The following AMPD2 variants were observed in gnomAD, a reference collection of about 807,000 sequenced individuals.
AMPD2 encodes the protein AMP deaminase 2.
In AMPD2, 52 loss-of-function variants were observed where a neutral mutation model predicts 91.3. That is an observed-to-expected ratio of 0.57 (90% confidence interval 0.46 to 0.72). AMPD2 has a LOEUF of 0.72. Among genes scored for constraint, AMPD2 ranks in the 30% least tolerant of loss-of-function variants. The probability of loss-of-function intolerance (pLI) is 0.00; values close to 1 mark genes in which losing one functional copy is unlikely to be tolerated. For missense variants in AMPD2, 822 were observed against 1,122.3 expected (o/e 0.73, Z 3.82); for synonymous variants, 455 against 456.4 (o/e 1.00, Z 0.04).
Position 109,626,329 on chromosome 1 carries a change from G to C in AMPD2, c.433G>C (p.Glu145Gln), listed in dbSNP as rs753757082. The change falls in exon 6 of 19, where the codon GAA becomes CAA. Residue 145 changes from glutamate to glutamine, a missense_variant. Glu to Gln is a conservative substitution (Grantham distance 29). Transcript: ENST00000528667. ...DSDSDLQLYK[E>Q]QGEGQGDRSL... ...ATGCACCCCCTGCAGGCTCTACAAG[G>C]AACAGGGTGAGGGGCAGGGTGACCG... 9.3e-6 allele frequency: 15 copies of C among 1,613,438 alleles called. No homozygotes were observed. The South Asian group carries it at 1.6e-4, about 18-fold the overall frequency.
In AMPD2 at chr1:109,630,509, T is replaced by TGCCCCCTGCTGGTA. The variant is rs1553230304; in HGVS notation, c.2157+105_2157+118dup. ...GGGGGGCGGTCTCTCGGGTTGGTGC[T>TGCCCCCTGCTGGTA]GCCCCCTGCTGGTAGAGCATAGCTG... is the stretch of plus-strand genomic sequence containing the variant. On this transcript the variant is annotated intron_variant, in intron 17 of 18. Transcript: ENST00000528667. 4.5e-5 allele frequency: 54 copies of TGCCCCCTGCTGGTA among 1,199,086 alleles called. 3 individuals carry two copies. Among genetic ancestry groups the TGCCCCCTGCTGGTA allele is most frequent in the Non-Finnish European group, 1.0e-5 (9 of 879,498 alleles). The allele number at this position is 1,199,086 out of a possible 1,614,324, so 74.3% of individuals were successfully genotyped here.
At chr1:109,626,510 G>A (rs1487929834) in intron 6 of AMPD2, 83 bp downstream of exon 6, 2 of 1,398,388 alleles carry the variant, frequency 1.4e-6, no homozygotes, top group South Asian at 1.3e-5. Context: ...GGGGGTGGGG[G>A]CTGGAAAGGG....
rs963069927 is a variant in AMPD2 at position 109,628,562 on chromosome 1, T to C, written c.1407+67T>C. ...TCTGGGGGCTTTTAGGGGGTGAGACTCAAGGAGGGTAGGCAGATGACCCCC... is the reference window on the plus strand; with the variant it reads ...TCTGGGGGCTTTTAGGGGGTGAGACCCAAGGAGGGTAGGCAGATGACCCCC... On this transcript the variant is annotated intron_variant, in intron 12 of 18. Coordinates refer to ENST00000528667, the MANE Select transcript of AMPD2 (RefSeq NM_001368809.2). This position sits in a 1 kb window ranked among gnomAD's most constrained non-coding sequence, Gnocchi z 7.1. 5.8e-5 allele frequency: 93 copies of C among 1,611,726 alleles called. No homozygotes were observed. Among genetic ancestry groups the C allele is most frequent in the Non-Finnish European group, 7.8e-5 (92 of 1,178,928 alleles).
At chr1:109,620,525 T>C in intron 1 of AMPD2, 1 of 1,229,054 alleles carries the variant, frequency 8.1e-7, no homozygotes, top group Non-Finnish European at 1.0e-6. Context: ...TCCTGGGAGG[T>C]AGCTATTTGG....
intron 18 of AMPD2, 64 bp downstream of exon 18, chr1:109,630,857 C>T (rs1270159661): frequency 2.5e-6 from 4 of 1,594,478 alleles, no homozygotes; most frequent in Admixed American, 3.5e-5. Flanking sequence ...CATTTGGGGT[C>T]CTGACCTGTC....
chr1:109,629,713 T>A, intron 15 of AMPD2, 83 bp from the exon 16 acceptor site: 4 of 1,450,898 alleles, frequency 2.8e-6, no homozygotes, highest in Non-Finnish European at 3.6e-6. Flanking sequence ...GGAGGACATA[T>A]GCGTGCTGGG....
chr1:109,629,820 G>T lies in AMPD2; in HGVS notation c.1887G>T (p.Val629=). The stretch of plus-strand genomic sequence containing the variant: ...GGCAGAGGGGCTTCCACACGTTTGT[G>T]CTGAGGCCACACTGTGGGGAGGCTG... The part of the protein sequence containing the change: ...LRRQRGFHTF[V]LRPHCGEAGP... Residue 629 remains valine, a synonymous_variant, in exon 16 of 19, where the codon GTG becomes GTT. Coordinates refer to ENST00000528667, the MANE Select transcript of AMPD2 (RefSeq NM_001368809.2). The T allele has an allele frequency of 6.2e-7, 1 of 1,609,536 alleles. No individual in the cohort carries two copies. The highest frequency in any genetic ancestry group is 1.1e-5 in the South Asian group (1 of 90,766).
chr1:109,629,572 C>T (rs1322954785), intron 15 of AMPD2, 82 bp downstream of exon 15: 7 of 1,553,592 alleles, frequency 4.5e-6, no homozygotes, highest in African/African-American at 1.4e-5. Context: ...GCCAGGGCCA[C>T]TAGACCTCTG....
rs757683500 is a variant in AMPD2, at chr1:109,631,107, C to G, written c.2433C>G (p.Thr811=). ...TQAVQSEMLE[T]IPEEAGITMS... ...CAGTCCAGAGTGAGATGCTGGAGAC[C>G]ATTCCAGAGGAGGCGGGTATCACCA... Residue 811 remains threonine (T), a synonymous_variant, in exon 19 of 19, where the codon ACC becomes ACG. Transcript: ENST00000528667. 2.6e-5 allele frequency: 41 copies of G among 1,607,366 alleles called. No homozygotes were observed. In the East Asian group the frequency reaches 9.2e-4, roughly 36 times the overall value.
Position 109,625,941 on chromosome 1 carries a change from G to C in AMPD2, c.353+149G>C. The C allele has an allele frequency of 1.5e-6, 2 of 1,340,754 alleles. No individual in the cohort carries two copies. Among genetic ancestry groups the C allele is most frequent in the East Asian group, 2.5e-5 (1 of 39,828 alleles). The allele number at this position is 1,340,754 out of a possible 1,614,324, so 83.1% of individuals were successfully genotyped here. ...CTTTGGAGTCGGGCTGCTGGGTTCT[G>C]TTCTGTCTTCTAGCCGCCGGTGTGG... On this transcript the variant is annotated intron_variant, in intron 4 of 18. Coordinates refer to ENST00000528667, the MANE Select transcript of AMPD2 (RefSeq NM_001368809.2). The surrounding 1 kb of genome is among the most constrained non-coding windows in gnomAD (Gnocchi z 4.0).
intron 2 of AMPD2, chr1:109,622,095 G>A (rs937979203): frequency 2.4e-6 from 1 of 412,614 alleles, no homozygotes; most frequent in Non-Finnish European, 4.9e-6. Context: ...TGACTTTGAT[G>A]ACCAGATCAT....
intron 16 of AMPD2, 45 bp downstream of exon 16, chr1:109,629,961 C>T: frequency 6.4e-7 from 1 of 1,564,532 alleles, no homozygotes; most frequent in Non-Finnish European, 8.7e-7. Flanking sequence ...TGTTCACCTT[C>T]CTCTGAACCA....
At position 109,621,185 on chromosome 1, in the gene AMPD2, T is replaced by C. The variant is rs1246312102; in HGVS notation, c.10T>C (p.Tyr4His). 2 of 1,605,404 alleles carry C rather than the reference T, an allele frequency of 1.2e-6. No homozygotes were observed. Among genetic ancestry groups the C allele is most frequent in the Middle Eastern group, 1.7e-4 (1 of 6,054 alleles). Residue 4 changes from tyrosine (Y) to histidine (H), a missense_variant, in exon 2 of 19, where the codon TAT (tyrosine) becomes CAT (histidine). Around this residue, in one of 5 missense-constraint regions of AMPD2, gnomAD observed 105 missense variants for 125.0 expected, o/e 0.84. Coordinates refer to ENST00000528667, the MANE Select transcript of AMPD2 (RefSeq NM_001368809.2). The stretch of plus-strand genomic sequence containing the variant: ...CGCCGTGGTCCCAGCCATGGCATCC[T>C]ATCCATCTGGCTCTGGCAAGCCCAA... The part of the protein sequence containing the change: MAS[Y>H]PSGSGKPKAK...
rs1651112594 is a variant in AMPD2, at chr1:109,630,367, C to T, written c.2118C>T (p.Ser706=). The stretch of plus-strand genomic sequence containing the variant: ...ACCTGTCCCGCGGCCTCATGGTCTC[C>T]CTGTCCACTGATGATCCCTTGCAGT... ...PEYLSRGLMV[S]LSTDDPLQFH... The change falls in exon 17 of 19, where the codon TCC becomes TCT. Residue 706 remains serine, a synonymous_variant. Transcript: ENST00000528667. 1 of 1,613,688 alleles carries T rather than the reference C, an allele frequency of 6.2e-7. No individual in the cohort carries two copies. The highest frequency in any genetic ancestry group is 1.3e-5 in the African/African-American group (1 of 74,816).
At position 109,631,613 on chromosome 1, in the gene AMPD2, G is replaced by A; in HGVS notation, c.*461G>A. The A allele has an allele frequency of 4.4e-6, 1 of 224,808 alleles. No individual in the cohort carries two copies. Among genetic ancestry groups the A allele is most frequent in the Non-Finnish European group, 9.0e-6 (1 of 110,798 alleles). 13.9% of individuals were successfully genotyped at this position (224,808 alleles called of 1,614,324 possible). A position where few individuals can be genotyped will look rare whatever the true frequency, so the allele number is the denominator to read the frequency against. On this transcript the variant is annotated 3_prime_UTR_variant, in exon 19 of 19. Transcript: ENST00000528667. ...ACACCTCTGCTGTGGGCACGGGGCTGCTGAGGGTCTGTGGAACTCCAGCAG... is the reference window on the plus strand; with the variant it reads ...ACACCTCTGCTGTGGGCACGGGGCTACTGAGGGTCTGTGGAACTCCAGCAG...
At position 109,627,873 on chromosome 1, in the gene AMPD2, G is replaced by T. The variant is rs758064430; in HGVS notation, c.1050G>T (p.Val350=). The change falls in exon 10 of 19, where the codon GTG becomes GTT. Residue 350 remains valine, a synonymous_variant. Coordinates refer to ENST00000528667, the MANE Select transcript of AMPD2 (RefSeq NM_001368809.2). The part of the protein sequence containing the change: ...EMKELAAQKK[V]PHRDFYNIRK... The stretch of plus-strand genomic sequence containing the variant: ...AGGAGCTGGCCGCCCAGAAGAAAGT[G>T]CCACACCGAGATTTCTACAACATCC... 8.1e-6 allele frequency: 13 copies of T among 1,613,972 alleles called. No homozygotes were observed. The highest frequency in any genetic ancestry group is 1.1e-5 in the Non-Finnish European group (13 of 1,179,994).
rs374249741 is a variant in AMPD2, at chr1:109,628,182, G to A, written c.1180G>A (p.Val394Met). 73 of 1,614,072 alleles carry A rather than the reference G, an allele frequency of 4.5e-5. No homozygotes were observed. Among genetic ancestry groups the A allele is most frequent in the Admixed American group, 2.5e-4 (15 of 60,024 alleles). Reference sequence around the variant, plus strand: ...GCGGCACCTGGAGGAGATCGTGCACGTGGAGCAGGGCCGTGAACAGACGCT... The same window carrying A: ...GCGGCACCTGGAGGAGATCGTGCACATGGAGCAGGGCCGTGAACAGACGCT... ...MKRHLEEIVH[V>M]EQGREQTLRE... The change falls in exon 11 of 19, where the codon GTG becomes ATG. Residue 394 changes from valine to methionine, a missense_variant. Coordinates refer to ENST00000528667, the MANE Select transcript of AMPD2 (RefSeq NM_001368809.2). This position sits in a 1 kb window ranked among gnomAD's most constrained non-coding sequence, Gnocchi z 7.1.
Position 109,627,463 on chromosome 1 carries a change from C to T in AMPD2, c.895C>T (p.Gln299Ter), listed in dbSNP as rs1329101309. ...GGTGGAGCTGCCATACCCTGACCTG[C>T]AGGAATTTGTGGCTGACGTCAATGT... ...SEVELPYPDL[Q>*]EFVADVNVLM... The change falls in exon 9 of 19, where the codon CAG (glutamine) becomes TAG (stop). Residue 299 changes from glutamine to a stop codon, truncating the protein, a stop_gained. Transcript: ENST00000528667. LOFTEE classifies it high-confidence loss of function. 1 of 1,614,090 alleles carries T rather than the reference C, an allele frequency of 6.2e-7. No individual in the cohort carries two copies. Among genetic ancestry groups the T allele is most frequent in the East Asian group, 2.2e-5 (1 of 44,876 alleles).
At chr1:109,629,610 T>C in intron 15 of AMPD2, 120 bp downstream of exon 15, 2 of 1,465,694 alleles carry the variant, frequency 1.4e-6, no homozygotes, top group Non-Finnish European at 9.3e-7. Context: ...ACTGGATGGG[T>C]TCTTTCTCTG....
Sources: gnomAD v4.1 joint callset for allele counts on GRCh38, gnomAD v4.1.1 for gene constraint, gnomAD v4.1.1 regional missense constraint, Gnocchi (gnomAD v3.1) non-coding constraint, MANE v1.5 for transcripts, NCBI Gene and HGNC (gene_info 2026-07-23, HGNC 2026-07-21) for gene names.